Variants in MAP7 observed in about 807,000 individuals in gnomAD.
MAP7 encodes ensconsin.
MAP7 carries 52 observed loss-of-function variants against 94.8 expected under a neutral mutation model. The ratio of observed to expected loss-of-function variants is 0.55; its 90% CI spans 0.44 to 0.69. The LOEUF is 0.69. Ranked by LOEUF, MAP7 falls within the 30% of genes least tolerant of loss-of-function variation. The probability of loss-of-function intolerance (pLI) is 0.00; values close to 1 mark genes in which losing one functional copy is unlikely to be tolerated. For synonymous variants in MAP7, 350 were observed against 357.0 expected, an observed-to-expected ratio of 0.98 and a Z score of 0.22; for missense variants, 940 against 964.6, an observed-to-expected ratio of 0.97 and a Z score of 0.34.
chr6:136,486,662 G>C (rs1306156998), intron 1 of MAP7, among the ~76,000 whole-genome samples: 5 of 152,134 alleles, frequency 3.3e-5, no homozygotes, highest in Non-Finnish European at 7.4e-5. Context: ...TGAGGCTGTG[G>C]TTATGCCCCA....
intron 1 of MAP7, among the ~76,000 whole-genome samples, chr6:136,505,103 G>T (rs1384141728): frequency 6.6e-6 from 1 of 151,450 alleles, no homozygotes; most frequent in Non-Finnish European, 1.5e-5. Flanking sequence ...CTTTTTTAGG[G>T]CCAAACAGAC....
intron 3 of MAP7, among the ~76,000 whole-genome samples, chr6:136,411,312 T>C (rs142693189): frequency 4.6e-5 from 7 of 152,256 alleles, no homozygotes; most frequent in African/African-American, 1.7e-4. Flanking sequence ...ACTTTTCATG[T>C]AAAAAAGAAC....
At chr6:136,423,134 C>CT (rs1488295841) in intron 1 of MAP7, among the ~76,000 whole-genome samples, 1 of 152,198 alleles carries the variant, frequency 6.6e-6, no homozygotes, top group Non-Finnish European at 1.5e-5. Flanking sequence ...CCCTTTCTCC[C>CT]AGCTTCTATG....
At position 136,389,355 on chromosome 6, in the gene MAP7, T is replaced by G; in HGVS notation, c.407A>C (p.Lys136Thr). Residue 136 changes from lysine (K) to threonine (T), a missense_variant and splice_region_variant, in exon 4 of 18, where the codon AAA becomes ACA. Coordinates refer to ENST00000354570, the MANE Select transcript of MAP7 (RefSeq NM_003980.6). ...EKRRQRLEEDKERHEAVVRRT... is the reference protein window; with the variant it reads ...EKRRQRLEEDTERHEAVVRRT... The stretch of plus-strand genomic sequence containing the variant: ...TATTCTTCCCGGGGGGCGGCTCACT[T>G]TGTCCTCCTCAAGTCTCTGCCTCCG... 1.3e-6 allele frequency: 2 copies of G among 1,529,318 alleles called. No homozygotes were observed. Among genetic ancestry groups the G allele is most frequent in the Non-Finnish European group, 1.7e-6 (2 of 1,144,584 alleles). The allele number at this position is 1,529,318 out of a possible 1,614,324, so 94.7% of individuals were successfully genotyped here.
At chr6:136,353,701 G>T (rs964342606) in intron 16 of MAP7, among the ~76,000 whole-genome samples, 1 of 152,004 alleles carries the variant, frequency 6.6e-6, no homozygotes, top group South Asian at 2.1e-4. Flanking sequence ...CTACAGTTGT[G>T]TGCCACCATG....
intron 3 of MAP7, among the ~76,000 whole-genome samples, chr6:136,400,508 T>G (rs1243796377): frequency 6.6e-6 from 1 of 151,364 alleles, no homozygotes; most frequent in Non-Finnish European, 1.5e-5. Flanking sequence ...TAGAATGGGT[T>G]AAAAACAAAA....
chr6:136,349,499 G>A (rs868136242), intron 16 of MAP7, among the ~76,000 whole-genome samples: 19 of 152,136 alleles, frequency 1.2e-4, no homozygotes, highest in African/African-American at 4.1e-4. Flanking sequence ...TCAGCCTCCC[G>A]CGTATCTGGG....
At chr6:136,543,125 G>A (rs1428724325) in intron 1 of MAP7, among the ~76,000 whole-genome samples, 3 of 152,156 alleles carry the variant, frequency 2.0e-5, no homozygotes, top group Non-Finnish European at 4.4e-5. Flanking sequence ...CAGAATAGAT[G>A]AAAACTATGC....
At chr6:136,466,126 GC>G (rs1806956229) in intron 1 of MAP7, among the ~76,000 whole-genome samples, 1 of 152,088 alleles carries the variant, frequency 6.6e-6, no homozygotes, top group South Asian at 2.1e-4. Context: ...GAAAATGAGA[GC>G]ATTCTGGGGA....
intron 1 of MAP7, among the ~76,000 whole-genome samples, chr6:136,526,890 A>C (rs373623609): frequency 4.1e-4 from 63 of 152,268 alleles, no homozygotes; most frequent in African/African-American, 1.4e-3. Context: ...GGTTGGCAGC[A>C]CCAGTCATGA....
intron 6 of MAP7, among the ~76,000 whole-genome samples, chr6:136,378,719 T>A (rs1025881495): frequency 1.3e-5 from 2 of 152,240 alleles, no homozygotes; most frequent in African/African-American, 4.8e-5. Context: ...TCAGGACATG[T>A]ATGCCAATTA....
chr6:136,388,609 C>T, intron 4 of MAP7, 99 bp from the exon 5 acceptor site: 1 of 876,584 alleles, frequency 1.1e-6, no homozygotes, highest in South Asian at 1.5e-5. Flanking sequence ...ACTTCAATTC[C>T]CACTCTACTA....
chr6:136,451,891 A>T (rs1801232855), intron 1 of MAP7, among the ~76,000 whole-genome samples: 1 of 152,212 alleles, frequency 6.6e-6, no homozygotes, highest in African/African-American at 2.4e-5. Flanking sequence ...GAATTGCTGC[A>T]ATCTCATGAT....
intron 1 of MAP7, among the ~76,000 whole-genome samples, chr6:136,471,316 C>A (rs1028857407): frequency 6.6e-6 from 1 of 152,170 alleles, no homozygotes; most frequent in African/African-American, 2.4e-5. Context: ...GGTACTGCAG[C>A]ACATCACTTG....
At chr6:136,412,456 A>T (rs988515953) in intron 2 of MAP7, among the ~76,000 whole-genome samples, 2 of 152,224 alleles carry the variant, frequency 1.3e-5, no homozygotes, top group Non-Finnish European at 2.9e-5. Context: ...AAGGAGAAAA[A>T]TACAGAGAAT....
chr6:136,345,187 T>G (rs1194751030), intron 17 of MAP7, among the ~76,000 whole-genome samples: 1 of 152,224 alleles, frequency 6.6e-6, no homozygotes, highest in African/African-American at 2.4e-5. Flanking sequence ...GGGTCCTGAT[T>G]GTTCTTTTTG....
At chr6:136,347,107 C>CTCCAACTAAATTGGCAGCCCCTTA (rs368877417) in intron 16 of MAP7, among the ~76,000 whole-genome samples, 2,436 of 152,324 alleles carry the variant, frequency 0.016, 41 homozygotes, top group East Asian at 0.039. Flanking sequence ...TTACCACTCT[C>CTCCAACTAAATTGGCAGCCCCTTA]TGTTATAGGC....
Position 136,366,369 on chromosome 6 carries a change from G to A in MAP7, c.947C>T (p.Pro316Leu). 2 of 1,614,160 alleles carry A rather than the reference G, an allele frequency of 1.2e-6. No individual in the cohort carries two copies. Among genetic ancestry groups the A allele is most frequent in the Non-Finnish European group, 1.7e-6 (2 of 1,180,014 alleles). Reference sequence around the variant, plus strand: ...TGGTTGTCTTGCTTTGGGATTAGATGGAGATACAGCCCTTCGGGTGCCAGA... The same window carrying A: ...TGGTTGTCTTGCTTTGGGATTAGATAGAGATACAGCCCTTCGGGTGCCAGA... ...LTSGTRRAVS[P>L]SNPKARQPAR... Residue 316 changes from proline (P) to leucine (L), a missense_variant, in exon 9 of 18, where the codon CCA becomes CTA. Transcript: ENST00000354570.
At chr6:136,388,999 T>C (rs1193562443) in intron 4 of MAP7, among the ~76,000 whole-genome samples, 1 of 152,150 alleles carries the variant, frequency 6.6e-6, no homozygotes, top group Non-Finnish European at 1.5e-5. Flanking sequence ...TGCTAAAGGA[T>C]TGAGTAAGGG....
Sources: allele counts gnomAD v4.1 joint callset (sites outside exome capture counted in the v4.1 genomes callset), GRCh38; gene constraint gnomAD v4.1.1; transcripts MANE v1.5; gene names NCBI Gene and HGNC (gene_info 2026-07-23, HGNC 2026-07-21).